TYR: variants seen among roughly 807,000 people sequenced by gnomAD.
TYR encodes the protein LB24-AB.
A neutral mutation model predicts 51.5 loss-of-function variants in TYR; 58 were observed. That is an observed-to-expected ratio of 1.13 (90% CI 0.91 to 1.40). The LOEUF (loss-of-function observed/expected upper bound fraction) is 1.40, where lower values mean the gene tolerates loss of function less well. Among genes scored for constraint, TYR ranks in the 40% most tolerant of loss-of-function variants. The pLI, the probability that TYR is intolerant of heterozygous loss-of-function variation, is 0.00. For missense variants in TYR, 732 were observed against 647.4 expected (o/e 1.13, Z -1.42); for synonymous variants, 263 against 235.2 (o/e 1.12, Z -1.08).
At chr11:89,209,145 T>C (rs10830241) in intron 2 of TYR, among the ~76,000 whole-genome samples, 76,478 of 152,148 alleles carry the variant, frequency 0.5, 21,937 homozygotes, top group African/African-American at 0.8. Flanking sequence ...GGTCACCTCA[T>C]CTGGGAAGCA....
intron 2 of TYR, 64 bp downstream of exon 2, chr11:89,191,482 A>G: frequency 1.3e-6 from 2 of 1,486,906 alleles, no homozygotes; most frequent in Non-Finnish European, 1.9e-6. Context: ...TCTTATCCAA[A>G]GTCCTAGGAG....
intron 3 of TYR, among the ~76,000 whole-genome samples, chr11:89,233,825 T>C (rs1944080405): frequency 7.1e-6 from 1 of 140,452 alleles, no homozygotes; most frequent in Non-Finnish European, 1.5e-5. Flanking sequence ...GGCTTTGTTG[T>C]TTCATTTAAA....
intron 3 of TYR, among the ~76,000 whole-genome samples, chr11:89,235,394 T>C (rs1447086779): frequency 6.6e-6 from 1 of 152,136 alleles, no homozygotes; most frequent in East Asian, 1.9e-4. Flanking sequence ...GTAACATAAT[T>C]CACAATAGGC....
chr11:89,222,545 T>C (rs1188976639), intron 2 of TYR, among the ~76,000 whole-genome samples: 1 of 151,986 alleles, frequency 6.6e-6, no homozygotes, highest in Non-Finnish European at 1.5e-5. Context: ...TTGAGATTAG[T>C]GTGGCCAACA....
At chr11:89,214,741 G>T (rs1238678289) in intron 2 of TYR, among the ~76,000 whole-genome samples, 1 of 152,052 alleles carries the variant, frequency 6.6e-6, no homozygotes, top group Non-Finnish European at 1.5e-5. Flanking sequence ...CACTGAAATA[G>T]CACCAAATAT....
intron 2 of TYR, among the ~76,000 whole-genome samples, chr11:89,223,042 T>G (rs1943932610): frequency 6.6e-6 from 1 of 152,272 alleles, no homozygotes; most frequent in African/African-American, 2.4e-5. Context: ...GCAAAGAAAT[T>G]TCCAAGGGTA....
At chr11:89,252,947 G>A (rs1944347524) in intron 3 of TYR, among the ~76,000 whole-genome samples, 1 of 151,768 alleles carries the variant, frequency 6.6e-6, no homozygotes, top group Admixed American at 6.6e-5. Flanking sequence ...AAGTGCTTCT[G>A]AAGTACAAAG....
At chr11:89,223,394 T>C (rs1378349063) in intron 2 of TYR, among the ~76,000 whole-genome samples, 2 of 152,254 alleles carry the variant, frequency 1.3e-5, no homozygotes, top group East Asian at 3.9e-4. Context: ...TTATTTCTAT[T>C]TTTTTTCAAG....
intron 3 of TYR, among the ~76,000 whole-genome samples, chr11:89,230,749 A>ACCTGT (rs1290188562): frequency 2.6e-5 from 4 of 152,150 alleles, no homozygotes; most frequent in Admixed American, 2.0e-4. Flanking sequence ...AAAAGAAGAT[A>ACCTGT]TGCAAACGTC....
At chr11:89,197,941 G>C (rs1943544942) in intron 2 of TYR, among the ~76,000 whole-genome samples, 1 of 152,028 alleles carries the variant, frequency 6.6e-6, no homozygotes, top group Non-Finnish European at 1.5e-5. Flanking sequence ...CAGCCCTTCA[G>C]CTCTTTTTGT....
intron 2 of TYR, among the ~76,000 whole-genome samples, chr11:89,191,632 G>A (rs1482200090): frequency 1.3e-5 from 2 of 152,052 alleles, no homozygotes. Context: ...GGTGGCTCAT[G>A]CCTGTAATCC....
rs1320376090 is a variant in TYR, at chr11:89,178,243, G to T, written c.290G>T (p.Gly97Val). 4 of 1,614,042 alleles carry T rather than the reference G, an allele frequency of 2.5e-6. No individual in the cohort carries two copies. Among genetic ancestry groups the T allele is most frequent in the Admixed American group, 1.7e-5 (1 of 60,010 alleles). The change falls in exon 1 of 5, where the codon GGA becomes GTA. Residue 97 changes from glycine (G) to valine (V), a missense_variant. Coordinates refer to ENST00000263321, the MANE Select transcript of TYR (RefSeq NM_000372.5). ...RTCQCSGNFM[G>V]FNCGNCKFGF... ...TGCCAGTGCTCTGGCAACTTCATGGGATTCAACTGTGGAAACTGCAAGTTT... is the reference window on the plus strand; with the variant it reads ...TGCCAGTGCTCTGGCAACTTCATGGTATTCAACTGTGGAAACTGCAAGTTT...
intron 2 of TYR, chr11:89,200,534 GTTATAT>G (rs1377248916): frequency 1.4e-5 from 2 of 146,276 alleles, no homozygotes; most frequent in Admixed American, 6.7e-5. Context: ...ATTTATGTGG[GTTATAT>G]TTATGACTAC....
chr11:89,180,651 C>T (rs549634897), intron 1 of TYR, among the ~76,000 whole-genome samples: 3 of 151,478 alleles, frequency 2.0e-5, no homozygotes, highest in East Asian at 3.9e-4. Flanking sequence ...TGTGTAGAAA[C>T]AGGTTTCAAA....
At position 89,216,036 on chromosome 11, in the gene TYR, T is replaced by A. The variant is rs1006846202; in HGVS notation, c.1037-11787T>A. Among the ~76,000 whole-genome samples the A allele has an allele frequency of 1.2e-4, 18 of 152,348 alleles. No homozygotes were observed. In the South Asian group the frequency reaches 3.7e-3, roughly 32 times the overall value. On this transcript the variant is annotated intron_variant, in intron 2 of 4. Transcript: ENST00000263321. ...TGGTATCTTTAATCAATAATTTTAA[T>A]TGAAACCATATTTATTTTTCTTTTT...
chr11:89,272,280 G>C (rs753102059), intron 3 of TYR, among the ~76,000 whole-genome samples: 1 of 151,790 alleles, frequency 6.6e-6, no homozygotes, highest in Admixed American at 6.6e-5. Flanking sequence ...TAATCCATGG[G>C]CTGCTGAATG....
At chr11:89,208,038 G>GT (rs1943694987) in intron 2 of TYR, among the ~76,000 whole-genome samples, 1 of 152,132 alleles carries the variant, frequency 6.6e-6, no homozygotes, top group African/African-American at 2.4e-5. Flanking sequence ...GGAGGCCAAG[G>GT]CGGGGGGATC....
intron 3 of TYR, among the ~76,000 whole-genome samples, chr11:89,267,913 A>G (rs1479606488): frequency 2.6e-5 from 4 of 151,966 alleles, no homozygotes; most frequent in African/African-American, 9.7e-5. Flanking sequence ...TGCTCCATTT[A>G]CTAACTAAAT....
chr11:89,215,855 A>G (rs1943825650), intron 2 of TYR, among the ~76,000 whole-genome samples: 1 of 152,086 alleles, frequency 6.6e-6, no homozygotes, highest in African/African-American at 2.4e-5. Context: ...CATACAGCTC[A>G]TGTTTTTTAT....
Sources: gnomAD v4.1 joint callset for allele counts (sites outside exome capture counted in the v4.1 genomes callset) on GRCh38, gnomAD v4.1.1 for gene constraint, MANE v1.5 for transcripts, NCBI Gene and HGNC (gene_info 2026-07-23, HGNC 2026-07-21) for gene names.